Variants in EIF4G3 observed in about 807,000 individuals in gnomAD.
EIF4G3 encodes eukaryotic translation initiation factor 4 gamma 3.
Under a neutral mutation model 186.4 loss-of-function variants are expected in EIF4G3, and 34 were observed. That is an observed-to-expected ratio of 0.18 (90% confidence interval 0.14 to 0.24). The LOEUF is 0.24. EIF4G3 is among the 10% of genes least tolerant of loss of function. The pLI, the probability that EIF4G3 is intolerant of heterozygous loss-of-function variation, is 1.00. For synonymous variants in EIF4G3, 673 were observed against 679.5 expected (o/e 0.99, Z 0.15); for missense variants, 1,536 against 1,948.5 (o/e 0.79, Z 3.99).
At chr1:21,118,740 C>T (rs1304302287) in intron 2 of EIF4G3, among the ~76,000 whole-genome samples, 2 of 150,070 alleles carry the variant, frequency 1.3e-5, no homozygotes, top group East Asian at 2.0e-4. Context: ...GAGGCAAGAT[C>T]GTGCCACCAC....
chr1:21,096,420 A>G lies in EIF4G3; in HGVS notation c.-271-7207T>C, dbSNP rs1197124424. On this transcript the variant is annotated intron_variant, in intron 2 of 36. Transcript: ENST00000602326. The stretch of plus-strand genomic sequence containing the variant: ...GATGATGAGAAATTACTTAATGGGT[A>G]CAACATATGTTTTTCAAGTGATGGA... 2.6e-5 allele frequency among the ~76,000 whole-genome samples: 4 copies of G among 152,232 alleles called. No individual in the cohort carries two copies. In the East Asian group the frequency reaches 7.7e-4, roughly 29 times the overall value.
At chr1:20,878,698 G>C (rs2081510489) in intron 20 of EIF4G3, among the ~76,000 whole-genome samples, 1 of 152,148 alleles carries the variant, frequency 6.6e-6, no homozygotes, top group African/African-American at 2.4e-5. Context: ...AACAATAACA[G>C]GAAGAGAAAA....
At chr1:21,080,075 C>A (rs2095718732) in intron 3 of EIF4G3, among the ~76,000 whole-genome samples, 1 of 151,624 alleles carries the variant, frequency 6.6e-6, no homozygotes, top group Admixed American at 6.6e-5. Flanking sequence ...TCCTTGAACC[C>A]AGGAAACAAA....
At chr1:21,150,125 C>A (rs1448060441) in intron 2 of EIF4G3, among the ~76,000 whole-genome samples, 1 of 152,234 alleles carries the variant, frequency 6.6e-6, no homozygotes, top group Non-Finnish European at 1.5e-5. Flanking sequence ...CCCCAAGCTT[C>A]CCCTCCTGCT....
intron 4 of EIF4G3, among the ~76,000 whole-genome samples, chr1:21,022,405 T>G (rs547734095): frequency 6.6e-6 from 1 of 152,210 alleles, no homozygotes; most frequent in Non-Finnish European, 1.5e-5. Flanking sequence ...CCGTAGTACT[T>G]ACTCTGTCGA....
intron 3 of EIF4G3, among the ~76,000 whole-genome samples, chr1:21,055,249 A>G (rs541829042): frequency 5.9e-5 from 9 of 152,310 alleles, no homozygotes; most frequent in Non-Finnish European, 8.8e-5. Flanking sequence ...AAACCTCAAT[A>G]TGAATACACA....
intron 14 of EIF4G3, among the ~76,000 whole-genome samples, chr1:20,913,021 A>G (rs1323943907): frequency 1.3e-5 from 2 of 152,222 alleles, no homozygotes; most frequent in African/African-American, 4.8e-5. Context: ...TGTAAGAATG[A>G]TGGGCCACTG....
At chr1:21,160,123 A>AG (rs1268973355) in intron 2 of EIF4G3, among the ~76,000 whole-genome samples, 1 of 151,768 alleles carries the variant, frequency 6.6e-6, no homozygotes, top group Non-Finnish European at 1.5e-5. Flanking sequence ...AAAAAAAAAA[A>AG]GATAATGGCT....
At position 21,002,657 on chromosome 1, in the gene EIF4G3, TAC is replaced by T; in HGVS notation, c.30+54_30+55del. The stretch of plus-strand genomic sequence containing the variant: ...TATTTGCCAAAGAAACCCAAGCCAC[TAC>T]ACACACAAACACAGGTAGAGAATGT... On this transcript the variant is annotated intron_variant, in intron 5 of 36. Transcript: ENST00000602326. 2.5e-6 allele frequency: 4 copies of T among 1,575,104 alleles called. No homozygotes were observed. In the Admixed American group the frequency reaches 7.6e-5, roughly 30 times the overall value.
At chr1:20,912,390 G>A (rs2093352698) in intron 14 of EIF4G3, among the ~76,000 whole-genome samples, 1 of 151,902 alleles carries the variant, frequency 6.6e-6, no homozygotes. Flanking sequence ...AAGATCTTGT[G>A]GCCACATAAC....
chr1:20,926,673 A>G (rs1359671264), intron 14 of EIF4G3, among the ~76,000 whole-genome samples: 1 of 129,008 alleles, frequency 7.8e-6, no homozygotes, highest in African/African-American at 2.7e-5. Context: ...TCTCAGAAAA[A>G]AGAAAAGAAA....
intron 29 of EIF4G3, among the ~76,000 whole-genome samples, chr1:20,846,238 G>C (rs541726847): frequency 1.3e-5 from 2 of 152,150 alleles, no homozygotes; most frequent in Non-Finnish European, 2.9e-5. Context: ...TGCAAACAGG[G>C]AGAGTTTGAC....
chr1:21,011,675 T>C (rs2087155632), intron 4 of EIF4G3, among the ~76,000 whole-genome samples: 1 of 152,220 alleles, frequency 6.6e-6, no homozygotes, highest in Admixed American at 6.5e-5. Flanking sequence ...ACAAATATCT[T>C]CCTTCTTGCC....
At chr1:20,880,316 A>G (rs1362356544) in intron 19 of EIF4G3, among the ~76,000 whole-genome samples, 1 of 152,244 alleles carries the variant, frequency 6.6e-6, no homozygotes, top group East Asian at 1.9e-4. Flanking sequence ...AAAGACCAGA[A>G]TAAGTCAGTC....
chr1:21,141,519 T>C (rs2097339338), intron 2 of EIF4G3, among the ~76,000 whole-genome samples: 1 of 149,816 alleles, frequency 6.7e-6, no homozygotes, highest in Admixed American at 6.7e-5. Flanking sequence ...TACTTAGTAA[T>C]TACAACACTA....
intron 3 of EIF4G3, among the ~76,000 whole-genome samples, chr1:21,068,771 T>A (rs2095351209): frequency 1.3e-5 from 2 of 152,204 alleles, no homozygotes; most frequent in South Asian, 4.1e-4. Context: ...TAAGTGTTAC[T>A]TATAGTAATA....
At chr1:20,969,617 A>G (rs755803129) in intron 11 of EIF4G3, 21 bp from the exon 12 acceptor site, 2 of 1,610,784 alleles carry the variant, frequency 1.2e-6, no homozygotes, top group South Asian at 1.1e-5. Flanking sequence ...AAATAAAATG[A>G]CATATGTACA....
intron 10 of EIF4G3, among the ~76,000 whole-genome samples, chr1:20,977,198 T>C (rs1357306789): frequency 2.0e-5 from 3 of 152,092 alleles, no homozygotes; most frequent in African/African-American, 7.2e-5. Context: ...GAAATTTTTT[T>C]TTTTTTTAGA....
chr1:21,114,956 A>G (rs1017349055), intron 2 of EIF4G3, among the ~76,000 whole-genome samples: 12 of 152,208 alleles, frequency 7.9e-5, no homozygotes, highest in African/African-American at 2.4e-4. Flanking sequence ...TAAGGCCAGG[A>G]GTTCTAGACC....
Sources: gnomAD v4.1 joint callset for allele counts (sites outside exome capture counted in the v4.1 genomes callset) on GRCh38, gnomAD v4.1.1 for gene constraint, MANE v1.5 for transcripts, NCBI Gene and HGNC (gene_info 2026-07-23, HGNC 2026-07-21) for gene names.